Variants in CALN1 observed in about 807,000 individuals in gnomAD.
The protein encoded by CALN1 is calcium-binding protein 8.
In CALN1, 17 loss-of-function variants were observed where a neutral mutation model predicts 30.6. The ratio of observed to expected loss-of-function variants is 0.56; its 90% CI spans 0.38 to 0.83. The LOEUF is 0.83. Among genes scored for constraint, CALN1 ranks in the 40% least tolerant of loss-of-function variants. The pLI is 0.00. For missense variants in CALN1, 291 were observed against 354.9 expected, an observed-to-expected ratio of 0.82 and a Z score of 1.45; for synonymous variants, 156 against 131.4, an observed-to-expected ratio of 1.19 and a Z score of -1.28.
chr7:72,189,602 G>A (rs926034242), intron 3 of CALN1, among the ~76,000 whole-genome samples: 1 of 151,730 alleles, frequency 6.6e-6, no homozygotes, highest in Admixed American at 6.6e-5. Context: ...GTGAAACTCC[G>A]TCTCTACTAA....
intron 2 of CALN1, among the ~76,000 whole-genome samples, chr7:72,291,905 C>G (rs543756686): frequency 6.6e-6 from 1 of 151,984 alleles, no homozygotes; most frequent in African/African-American, 2.4e-5. Flanking sequence ...AGCCACCGAG[C>G]CTGACCATAT....
chr7:71,798,061 CAGAGAG>C (rs147120862), intron 6 of CALN1, among the ~76,000 whole-genome samples: 47 of 116,878 alleles, frequency 4.0e-4, no homozygotes, highest in Non-Finnish European at 7.3e-4. Context: ...GAGAGAGAGA[CAGAGAG>C]AGAGAGAGAG....
chr7:71,809,949 T>G (rs1312860118), intron 6 of CALN1, among the ~76,000 whole-genome samples: 3 of 152,020 alleles, frequency 2.0e-5, no homozygotes, highest in African/African-American at 7.3e-5. Context: ...GGTCCATCCT[T>G]TGCCCAAGGT....
At chr7:72,014,649 G>T (rs1800276699) in intron 5 of CALN1, among the ~76,000 whole-genome samples, 1 of 152,076 alleles carries the variant, frequency 6.6e-6, no homozygotes, top group Non-Finnish European at 1.5e-5. Context: ...ATTTTTGCCA[G>T]TTTGTTAGCT....
intron 3 of CALN1, among the ~76,000 whole-genome samples, chr7:72,164,752 T>C (rs895437273): frequency 3.3e-5 from 5 of 152,162 alleles, no homozygotes; most frequent in African/African-American, 1.2e-4. Flanking sequence ...TCATGGTTCA[T>C]TGTAACCTTG....
intron 3 of CALN1, among the ~76,000 whole-genome samples, chr7:72,251,410 T>C (rs1177642116): frequency 6.6e-6 from 1 of 152,114 alleles, no homozygotes; most frequent in East Asian, 1.9e-4. Context: ...TTTTTTCCTT[T>C]TTTCTTGAAA....
At chr7:71,797,151 T>G (rs1046951404) in intron 6 of CALN1, among the ~76,000 whole-genome samples, 3 of 152,138 alleles carry the variant, frequency 2.0e-5, no homozygotes, top group African/African-American at 7.2e-5. Context: ...GGCTGCATGT[T>G]TTCAGAGACA....
chr7:72,434,674 C>G (rs1808090735), intron 1 of CALN1, among the ~76,000 whole-genome samples: 2 of 152,190 alleles, frequency 1.3e-5, no homozygotes, highest in Admixed American at 1.3e-4. Context: ...AAGGTAAGCT[C>G]TCTTAGCTAT....
At chr7:72,156,236 T>C (rs1787668581) in intron 3 of CALN1, among the ~76,000 whole-genome samples, 1 of 152,108 alleles carries the variant, frequency 6.6e-6, no homozygotes, top group Non-Finnish European at 1.5e-5. Flanking sequence ...AAAAATGGCA[T>C]GGGCTTACCA....
chr7:72,476,001 T>G, the CALN1 span, among the ~76,000 whole-genome samples: 15 of 139,610 alleles, frequency 1.1e-4, no homozygotes, highest in Admixed American at 1.1e-3. Flanking sequence ...CAGGCTGGAG[T>G]GCAGTGGTGT....
intron 5 of CALN1, among the ~76,000 whole-genome samples, chr7:71,921,784 T>C (rs751435434): frequency 3.3e-5 from 5 of 152,118 alleles, no homozygotes; most frequent in African/African-American, 4.8e-5. Flanking sequence ...CTGTCCTTGG[T>C]CCTTGGCTTT....
intron 5 of CALN1, among the ~76,000 whole-genome samples, chr7:71,984,935 G>A (rs1291777395): frequency 2.6e-5 from 4 of 152,126 alleles, no homozygotes; most frequent in Non-Finnish European, 5.9e-5. Flanking sequence ...TGGCAAAGAT[G>A]GAAGTTCTTT....
In CALN1 at chr7:72,441,322, G is replaced by C. The variant is rs551464107; in HGVS notation, c.-226+5720C>G. On this transcript the variant is annotated intron_variant, in intron 1 of 6. Coordinates refer to the CALN1 transcript ENST00000395276. Reference sequence around the variant, plus strand: ...TAAAAATTGGGAGAATGAGGGCCAGGCACGGTGACTCATGCCTGTAATCCC... The same window carrying C: ...TAAAAATTGGGAGAATGAGGGCCAGCCACGGTGACTCATGCCTGTAATCCC... 7.2e-5 allele frequency among the ~76,000 whole-genome samples: 11 copies of C among 152,064 alleles called. No homozygotes were observed. The East Asian group carries it at 2.1e-3, about 29-fold the overall frequency.
intron 3 of CALN1, among the ~76,000 whole-genome samples, chr7:72,138,555 C>G (rs375598954): frequency 4.8e-5 from 3 of 62,616 alleles, no homozygotes; most frequent in Non-Finnish European, 2.9e-5. Flanking sequence ...GCAAAGGAGA[C>G]GGGGACTGCC....
chr7:71,925,514 GT>G (rs1180568936), intron 5 of CALN1, among the ~76,000 whole-genome samples: 1 of 137,404 alleles, frequency 7.3e-6, no homozygotes, highest in Non-Finnish European at 1.6e-5. Flanking sequence ...TTTGGTTGTT[GT>G]TTGGTCTGGA....
chr7:72,315,802 T>C (rs1356259860), intron 2 of CALN1, among the ~76,000 whole-genome samples: 1 of 151,892 alleles, frequency 6.6e-6, no homozygotes, highest in African/African-American at 2.4e-5. Context: ...GAAATTAAAA[T>C]AGGAAAAAGC....
chr7:72,390,204 G>A (rs1337338873), intron 2 of CALN1, among the ~76,000 whole-genome samples: 1 of 152,018 alleles, frequency 6.6e-6, no homozygotes, highest in African/African-American at 2.4e-5. Flanking sequence ...GCCGAGGCGG[G>A]TGAATCATGA....
chr7:72,385,967 A>G (rs1192866001), intron 2 of CALN1, among the ~76,000 whole-genome samples: 1 of 152,160 alleles, frequency 6.6e-6, no homozygotes, highest in Non-Finnish European at 1.5e-5. Flanking sequence ...AAATTATCAA[A>G]CCACAAAGAC....
chr7:72,489,290 C>T, the CALN1 span, among the ~76,000 whole-genome samples: 1 of 152,250 alleles, frequency 6.6e-6, no homozygotes, highest in East Asian at 1.9e-4. Context: ...TTCAATTCAA[C>T]ATATCCTTGC....
Sources: allele counts gnomAD v4.1 joint callset (sites outside exome capture counted in the v4.1 genomes callset), GRCh38; gene constraint gnomAD v4.1.1; transcripts MANE v1.5; gene names NCBI Gene and HGNC (gene_info 2026-07-23, HGNC 2026-07-21).